VPS13C: variants seen among roughly 807,000 people sequenced by gnomAD.
The protein encoded by VPS13C is vacuolar protein sorting 13 homolog C, also known as intermembrane lipid transfer protein VPS13C.
VPS13C carries 358 observed loss-of-function variants against 456.8 expected under a neutral mutation model. The observed-to-expected ratio is 0.78, with a 90% CI of 0.72 to 0.86. The LOEUF is 0.86. Ranked by LOEUF, VPS13C falls within the 40% of genes least tolerant of loss-of-function variation. VPS13C has a pLI of 0.00. For synonymous variants in VPS13C, 1,578 were observed against 1,486.7 expected (o/e 1.06, Z -1.41); for missense variants, 4,818 against 4,385.4 (o/e 1.10, Z -2.79).
chr15:61,947,345 G>T (rs1160899280), intron 42 of VPS13C, 36 bp from the exon 43 acceptor site: 2 of 1,480,740 alleles, frequency 1.4e-6, no homozygotes, highest in Non-Finnish European at 1.9e-6. Context: ...TGAGCAAAGG[G>T]AAAAGATAAT....
chr15:61,883,172 C>T (rs1896000461), intron 68 of VPS13C, among the ~76,000 whole-genome samples: 1 of 151,194 alleles, frequency 6.6e-6, no homozygotes, highest in Non-Finnish European at 1.5e-5. Context: ...ACAGATGTGA[C>T]ACCATGCCCA....
chr15:61,915,603 CT>C (rs1432512204), intron 61 of VPS13C, 29 bp downstream of exon 61: 3 of 1,539,080 alleles, frequency 1.9e-6, no homozygotes, highest in Non-Finnish European at 1.7e-6. Context: ...AATTTATCTG[CT>C]TTAACTTATT....
At chr15:62,053,255 G>A (rs1402864694) in intron 1 of VPS13C, among the ~76,000 whole-genome samples, 1 of 152,076 alleles carries the variant, frequency 6.6e-6, no homozygotes, top group African/African-American at 2.4e-5. Flanking sequence ...CCCTCTACAG[G>A]TTTAGAAATA....
At chr15:61,951,247 C>T (rs2044781558) in intron 39 of VPS13C, among the ~76,000 whole-genome samples, 1 of 152,014 alleles carries the variant, frequency 6.6e-6, no homozygotes. Context: ...CCAATTACAA[C>T]TGGTATAACC....
intron 6 of VPS13C, 47 bp downstream of exon 6, chr15:62,028,311 C>G (rs192271610): frequency 6.3e-7 from 1 of 1,596,430 alleles, no homozygotes; most frequent in African/African-American, 1.3e-5. Flanking sequence ...CAAGCATACA[C>G]AAGAATATGT....
chr15:62,049,131 G>T (rs1034054361), intron 1 of VPS13C, among the ~76,000 whole-genome samples: 1 of 152,054 alleles, frequency 6.6e-6, no homozygotes, highest in African/African-American at 2.4e-5. Context: ...GTCTATTTTG[G>T]CTTTTGTTGC....
chr15:61,972,681 C>T lies in VPS13C; in HGVS notation c.2701G>A (p.Ala901Thr), dbSNP rs773911595. 1.9e-6 allele frequency: 3 copies of T among 1,613,394 alleles called. No homozygotes were observed. The African/African-American group carries it at 4.0e-5, about 22-fold the overall frequency. ...SMKGSELKKA[A>T]EVPNEELINL... ...ATGAGCTCCTCATTTGGGACCTCTG[C>T]AGCTTTTTTAAGTTCTGATCCTTTC... is the stretch of plus-strand genomic sequence containing the variant. Residue 901 changes from alanine (A) to threonine (T), a missense_variant, in exon 27 of 85, where the codon GCA becomes ACA. Ala to Thr is a moderately conservative substitution (Grantham distance 58). This residue lies in a region of VPS13C where 4,552 missense variants were observed against 4,130.6 expected (regional missense o/e 1.10). Coordinates refer to ENST00000644861, the MANE Select transcript of VPS13C (RefSeq NM_020821.3).
At chr15:62,010,437 C>A in intron 13 of VPS13C, 35 bp downstream of exon 13, 1 of 1,531,550 alleles carries the variant, frequency 6.5e-7, no homozygotes. Context: ...AGATTCAAGG[C>A]TAATCAAAGC....
intron 20 of VPS13C, 86 bp downstream of exon 20, chr15:61,983,734 T>G: frequency 7.3e-7 from 1 of 1,371,956 alleles, no homozygotes; most frequent in Non-Finnish European, 9.9e-7. Flanking sequence ...AAATAAATGT[T>G]AAATATGAAA....
chr15:62,005,923 C>G (rs2046821154), intron 15 of VPS13C, among the ~76,000 whole-genome samples: 1 of 151,510 alleles, frequency 6.6e-6, no homozygotes, highest in Non-Finnish European at 1.5e-5. Flanking sequence ...AGGCTGGTCT[C>G]CAATTCCAGA....
rs146270186 is a variant in VPS13C, at chr15:61,996,344, A to G, written c.1353+4220T>C. On this transcript the variant is annotated intron_variant, in intron 16 of 84. Coordinates refer to ENST00000644861, the MANE Select transcript of VPS13C (RefSeq NM_020821.3). ...CATCCACAGAAGGCAAACACAACTT[A>G]GATTCATAACTTAACTAGGTTGTAC... Among the ~76,000 whole-genome samples, 145 of 152,350 alleles carry G rather than the reference A, an allele frequency of 9.5e-4. 1 individual carries two copies. Among genetic ancestry groups the G allele is most frequent in the African/African-American group, 3.4e-3 (142 of 41,598 alleles).
chr15:61,909,583 T>C (rs568098318), intron 64 of VPS13C, among the ~76,000 whole-genome samples: 16 of 152,338 alleles, frequency 1.1e-4, no homozygotes, highest in African/African-American at 3.4e-4. Flanking sequence ...TATATTGATA[T>C]AGCAGCACCT....
chr15:62,041,375 G>A lies in VPS13C; in HGVS notation c.145-9C>T, dbSNP rs1314584714. On this transcript the variant is annotated splice_polypyrimidine_tract_variant and intron_variant, in intron 2 of 84. Coordinates refer to ENST00000644861, the MANE Select transcript of VPS13C (RefSeq NM_020821.3). ...GGAACATCCAATTCACTCTTCAGAA[G>A]AAAGAGAAAATGTAAAGGACATCTT... 2 of 1,602,238 alleles carry A rather than the reference G, an allele frequency of 1.2e-6. No homozygotes were observed. Among genetic ancestry groups the A allele is most frequent in the Non-Finnish European group, 1.7e-6 (2 of 1,177,118 alleles).
At chr15:61,962,574 A>G in intron 33 of VPS13C, 36 bp from the exon 34 acceptor site, 1 of 1,565,616 alleles carries the variant, frequency 6.4e-7, no homozygotes, top group Non-Finnish European at 8.7e-7. Flanking sequence ...TCTATCCGGG[A>G]AGGTAATGAC....
intron 46 of VPS13C, among the ~76,000 whole-genome samples, chr15:61,941,500 T>C (rs181579389): frequency 5.3e-5 from 8 of 152,222 alleles, no homozygotes; most frequent in Admixed American, 4.6e-4. Flanking sequence ...AAACTAAGTA[T>C]TGAGTAAACT....
rs750415919 is a variant in VPS13C at position 61,920,258 on chromosome 15, G to T, written c.7286C>A (p.Ala2429Asp). The change falls in exon 57 of 85, where the codon GCT (alanine) becomes GAT (aspartate). Residue 2429 changes from alanine (A) to aspartate (D), a missense_variant. Coordinates refer to ENST00000644861, the MANE Select transcript of VPS13C (RefSeq NM_020821.3). The stretch of plus-strand genomic sequence containing the variant: ...CTTCACCTTAATGGGAACACCTACA[G>T]CATTTTTTACCGTAAAAGGAGCTCT... ...KDRAPFTVKN[A>D]VGVPIKVKPN... is the part of the protein sequence containing the mutation. The T allele has an allele frequency of 6.2e-7, 1 of 1,613,384 alleles. No individual in the cohort carries two copies. The highest frequency in any genetic ancestry group is 1.7e-5 in the Admixed American group (1 of 59,980).
rs892135920 is a variant in VPS13C at position 62,013,079 on chromosome 15, T to G, written c.785A>C (p.Asn262Thr). 1.9e-6 allele frequency: 3 copies of G among 1,611,168 alleles called. No homozygotes were observed. The highest frequency in any genetic ancestry group is 1.7e-6 in the Non-Finnish European group (2 of 1,178,426). The change falls in exon 11 of 85, where the codon AAT becomes ACT. Residue 262 changes from asparagine (N) to threonine (T), a missense_variant. By Grantham distance (65) the Asn-to-Thr change is moderately conservative. Coordinates refer to ENST00000644861, the MANE Select transcript of VPS13C (RefSeq NM_020821.3). ...TGATCTCTGGTAAGACATGCTGCAA[T>G]TTACATTCCAGTAGGCGCTAAGACT... Reference protein sequence around the residue: ...LDSLSAYWNVNCSMSYQRSRE... With the variant: ...LDSLSAYWNVTCSMSYQRSRE...
intron 42 of VPS13C, among the ~76,000 whole-genome samples, chr15:61,948,011 C>A (rs2044663903): frequency 6.6e-6 from 1 of 152,148 alleles, no homozygotes; most frequent in African/African-American, 2.4e-5. Flanking sequence ...ATCTGTCTTG[C>A]TGGAAGGAAA....
intron 1 of VPS13C, among the ~76,000 whole-genome samples, chr15:62,056,594 T>G (rs1357169824): frequency 6.6e-6 from 1 of 152,094 alleles, no homozygotes; most frequent in Non-Finnish European, 1.5e-5. Flanking sequence ...CCCGGGGGAG[T>G]TTAGATAAGA....
Sources: gnomAD v4.1 joint callset for allele counts (sites outside exome capture counted in the v4.1 genomes callset) on GRCh38, gnomAD v4.1.1 for gene constraint, gnomAD v4.1.1 regional missense constraint, MANE v1.5 for transcripts, NCBI Gene and HGNC (gene_info 2026-07-23, HGNC 2026-07-21) for gene names.